Variants in UPF2 observed in about 807,000 individuals in gnomAD.
UPF2 encodes the protein UPF2 regulator of nonsense mediated mRNA decay.
UPF2 carries 17 observed loss-of-function variants against 141.4 expected under a neutral mutation model. That is an observed-to-expected ratio of 0.12 (90% CI 0.08 to 0.18). The LOEUF (loss-of-function observed/expected upper bound fraction) is 0.18. Ranked by LOEUF, UPF2 falls within the 10% of genes least tolerant of loss-of-function variation. The probability of loss-of-function intolerance (pLI) is 1.00; values close to 1 mark genes in which losing one functional copy is unlikely to be tolerated. For synonymous variants in UPF2, 540 were observed against 498.0 expected, an observed-to-expected ratio of 1.08 and a Z score of -1.12; for missense variants, 1,152 against 1,515.9, an observed-to-expected ratio of 0.76 and a Z score of 3.99.
At chr10:12,002,838 G>GC (rs1322823568) in intron 5 of UPF2, among the ~76,000 whole-genome samples, 24 of 152,050 alleles carry the variant, frequency 1.6e-4, no homozygotes, top group African/African-American at 4.6e-4. Flanking sequence ...TTGTGTTTTC[G>GC]CAAATCAAAT....
At chr10:12,029,641 A>G in intron 2 of UPF2, 117 bp from the exon 3 acceptor site, 1 of 1,149,256 alleles carries the variant, frequency 8.7e-7, no homozygotes, top group Non-Finnish European at 1.2e-6. Flanking sequence ...AATCTACAAG[A>G]TTCAAAAGGC....
At chr10:12,000,560 A>G (rs1833935566) in intron 6 of UPF2, among the ~76,000 whole-genome samples, 1 of 152,120 alleles carries the variant, frequency 6.6e-6, no homozygotes, top group Non-Finnish European at 1.5e-5. Flanking sequence ...CAGGGGGATC[A>G]CTTGAGGCCA....
chr10:12,004,378 T>C (rs1215492097), intron 5 of UPF2, 152 bp downstream of exon 5: 3 of 586,908 alleles, frequency 5.1e-6, no homozygotes, highest in Non-Finnish European at 8.6e-6. Context: ...TGCTCCATCA[T>C]TCCATATAAT....
intron 18 of UPF2, among the ~76,000 whole-genome samples, chr10:11,938,711 GT>G (rs1832884640): frequency 1.3e-5 from 2 of 151,546 alleles, no homozygotes; most frequent in African/African-American, 4.8e-5. Flanking sequence ...AGGCCTTTGT[GT>G]AGACCATAAA....
intron 10 of UPF2, among the ~76,000 whole-genome samples, chr10:11,967,053 T>C (rs1164728365): frequency 6.6e-6 from 1 of 152,226 alleles, no homozygotes; most frequent in Non-Finnish European, 1.5e-5. Context: ...GGTGACTCTG[T>C]TGTAGATGGC....
At chr10:12,004,837 AC>A (rs1203235590) in intron 4 of UPF2, 110 bp from the exon 5 acceptor site, 2 of 989,116 alleles carry the variant, frequency 2.0e-6, no homozygotes, top group Non-Finnish European at 2.9e-6. Context: ...GAGTGTTTCA[AC>A]TGACAGGAAC....
intron 9 of UPF2, among the ~76,000 whole-genome samples, chr10:11,974,850 T>C (rs1833480086): frequency 6.6e-6 from 1 of 152,194 alleles, no homozygotes; most frequent in Non-Finnish European, 1.5e-5. Flanking sequence ...ATTTATCTAC[T>C]TGGAGTAGGG....
chr10:11,964,123 C>G lies in UPF2; in HGVS notation c.2070G>C (p.Met690Ile). 6.2e-7 allele frequency: 1 copy of G among 1,607,036 alleles called. No homozygotes were observed. The change falls in exon 11 of 22, where the codon ATG becomes ATC. Residue 690 changes from methionine to isoleucine, a missense_variant and splice_region_variant. Met to Ile is a conservative substitution (Grantham distance 10). Around this residue, in one of 4 missense-constraint regions of UPF2, gnomAD observed 739 missense variants for 1,032.2 expected, o/e 0.72. Transcript: ENST00000357604. ...GGTGATGAGAGAAGTCTGACAGAAG[C>G]ATCTGCAACAGGAAGAATGATGAAA... ...TKNDTLHCLK[M>I]LLSDFSHHHI... is the part of the protein sequence containing the mutation.
rs543685871 is a variant in UPF2 at position 12,031,130 on chromosome 10, T to C, written c.366-1606A>G. Among the ~76,000 whole-genome samples the C allele has an allele frequency of 1.4e-4, 20 of 139,602 alleles. No individual in the cohort carries two copies. In the East Asian group the frequency reaches 4.2e-3, roughly 29 times the overall value. 91.6% of individuals were successfully genotyped at this position (139,602 alleles called of 152,430 possible). A position where few individuals can be genotyped will look rare whatever the true frequency, so the allele number is the denominator to read the frequency against. ...CGGAGCTTGCAGTGAGCCGATATAGTGCCACTGCAGTCCGGCCTGGGCGAA... is the reference window on the plus strand; with the variant it reads ...CGGAGCTTGCAGTGAGCCGATATAGCGCCACTGCAGTCCGGCCTGGGCGAA... On this transcript the variant is annotated intron_variant, in intron 2 of 21. Transcript: ENST00000357604.
chr10:11,928,735 A>G (rs1564333907), intron 21 of UPF2: 2 of 360,258 alleles, frequency 5.6e-6, no homozygotes, highest in South Asian at 2.1e-5. Context: ...AAAAACCATA[A>G]AAGAGGTCTT....
rs1378434129 is a variant in UPF2, at chr10:11,938,842, GTTTTTTTTTTGTT to G, written c.3379-2143_3379-2131del. The stretch of plus-strand genomic sequence containing the variant: ...GTCCTAGCCATGTGGTCTTAAGCAA[GTTTTTTTTTTGTT>G]TTTTTTTTTTTTTTTTTTTTTTTTT... On this transcript the variant is annotated intron_variant, in intron 18 of 21. Coordinates refer to ENST00000357604, the MANE Select transcript of UPF2 (RefSeq NM_015542.4). 1.1e-3 allele frequency among the ~76,000 whole-genome samples: 49 copies of G among 45,868 alleles called. 1 individual carries two copies. Among genetic ancestry groups the G allele is most frequent in the Admixed American group, 8.8e-3 (37 of 4,190 alleles). The allele number at this position is 45,868 out of a possible 152,430, so 30.1% of individuals were successfully genotyped here. A position where few individuals can be genotyped will look rare whatever the true frequency, so the allele number is the denominator to read the frequency against.
chr10:11,959,426 T>C lies in UPF2; in HGVS notation c.2185-70A>G, dbSNP rs1833206138. 6.9e-7 allele frequency: 1 copy of C among 1,451,372 alleles called. No homozygotes were observed. Among genetic ancestry groups the C allele is most frequent in the Non-Finnish European group, 9.2e-7 (1 of 1,092,314 alleles). The allele number at this position is 1,451,372 out of a possible 1,614,324, so 89.9% of individuals were successfully genotyped here. A position where few individuals can be genotyped will look rare whatever the true frequency, so the allele number is the denominator to read the frequency against. On this transcript the variant is annotated intron_variant, in intron 11 of 21. Coordinates refer to ENST00000357604, the MANE Select transcript of UPF2 (RefSeq NM_015542.4). This position sits in a 1 kb window ranked among gnomAD's most constrained non-coding sequence, Gnocchi z 5.9. ...ATTCCTTTACTCCTAACTAAACTTC[T>C]ATTCTCAGTGATTTGCTATTTCAAA...
intron 11 of UPF2, among the ~76,000 whole-genome samples, chr10:11,963,176 C>T (rs932613512): frequency 6.6e-6 from 1 of 152,150 alleles, no homozygotes; most frequent in Non-Finnish European, 1.5e-5. Flanking sequence ...CCTCCATGAG[C>T]CCACAGTATC....
At chr10:11,928,773 C>CT (rs1250163204) in intron 21 of UPF2, 1 of 291,676 alleles carries the variant, frequency 3.4e-6, no homozygotes, top group Non-Finnish European at 6.7e-6. Context: ...TTTTCAAATT[C>CT]TTTATAGAGT....
At chr10:12,012,121 G>T (rs1460912785) in intron 4 of UPF2, among the ~76,000 whole-genome samples, 2 of 148,964 alleles carry the variant, frequency 1.3e-5, no homozygotes, top group African/African-American at 4.9e-5. Flanking sequence ...GGAGTGCAAT[G>T]GCGCGAGCCT....
intron 3 of UPF2, among the ~76,000 whole-genome samples, chr10:12,024,931 CAAAAAAAAAAAAAA>C (rs61678431): frequency 9.3e-5 from 5 of 53,488 alleles, no homozygotes; most frequent in African/African-American, 3.8e-4. Context: ...GACCCTGTTA[CAAAAAAAAAAAAAA>C]AAAAAAAAAA....
At chr10:11,991,920 C>T (rs981957108) in intron 8 of UPF2, among the ~76,000 whole-genome samples, 9 of 152,110 alleles carry the variant, frequency 5.9e-5, no homozygotes, top group African/African-American at 1.4e-4. Context: ...CTGAGGTGAG[C>T]GGATCACCTG....
At chr10:11,948,301 T>A in intron 16 of UPF2, 68 bp downstream of exon 16, 9 of 1,453,400 alleles carry the variant, frequency 6.2e-6, no homozygotes, top group Non-Finnish European at 7.3e-6. Context: ...TTAAAAAAAT[T>A]TTGGCTCATA....
intron 3 of UPF2, among the ~76,000 whole-genome samples, chr10:12,021,143 T>C (rs752019395): frequency 1.3e-5 from 2 of 152,212 alleles, no homozygotes; most frequent in Non-Finnish European, 2.9e-5. Context: ...ATCACTCACT[T>C]TCCATGTTAT....
Sources: allele counts gnomAD v4.1 joint callset (sites outside exome capture counted in the v4.1 genomes callset), GRCh38; gene constraint gnomAD v4.1.1; regional missense constraint gnomAD v4.1.1; non-coding constraint Gnocchi (gnomAD v3.1); transcripts MANE v1.5; gene names NCBI Gene and HGNC (gene_info 2026-07-23, HGNC 2026-07-21).